Variants in TENM3 observed in about 807,000 individuals in gnomAD.
TENM3 encodes the protein teneurin-3.
In TENM3, 63 loss-of-function variants were observed where a neutral mutation model predicts 255.1. That is an observed-to-expected ratio of 0.25 (90% confidence interval 0.20 to 0.30). TENM3 has a LOEUF of 0.30. Among genes scored for constraint, TENM3 ranks in the 10% least tolerant of loss-of-function variants. The pLI is 1.00. For missense variants in TENM3, 2,929 were observed against 3,461.1 expected, an observed-to-expected ratio of 0.85 and a Z score of 3.86; for synonymous variants, 1,306 against 1,322.3, an observed-to-expected ratio of 0.99 and a Z score of 0.27.
chr4:181,537,328 G>A, the TENM3 span, among the ~76,000 whole-genome samples: 1 of 152,096 alleles, frequency 6.6e-6, no homozygotes, highest in East Asian at 1.9e-4. Flanking sequence ...GCTTCTACAT[G>A]AGACATTTTC....
intron 26 of TENM3, among the ~76,000 whole-genome samples, chr4:182,795,603 G>A (rs1766444986): frequency 6.6e-6 from 1 of 152,192 alleles, no homozygotes; most frequent in South Asian, 2.1e-4. Context: ...CCTAGAGAAG[G>A]AAATGGGAAT....
At chr4:182,437,145 A>G (rs1350035753) in intron 3 of TENM3, among the ~76,000 whole-genome samples, 2 of 152,194 alleles carry the variant, frequency 1.3e-5, no homozygotes, top group Non-Finnish European at 2.9e-5. Flanking sequence ...ATGTTACCAT[A>G]TGGGGTAGAA....
chr4:182,361,118 T>A (rs1016674357), intron 3 of TENM3, among the ~76,000 whole-genome samples: 48 of 152,328 alleles, frequency 3.2e-4, no homozygotes, highest in Non-Finnish European at 5.7e-4. Context: ...CTTCCCTTTG[T>A]GGGTAACCCG....
chr4:182,630,991 C>G (rs1487261676), intron 5 of TENM3, among the ~76,000 whole-genome samples: 1 of 152,008 alleles, frequency 6.6e-6, no homozygotes, highest in African/African-American at 2.4e-5. Context: ...GTCACTGTTA[C>G]CTGTGAGACT....
At chr4:181,815,549 A>G in the TENM3 span, among the ~76,000 whole-genome samples, 2 of 151,750 alleles carry the variant, frequency 1.3e-5, no homozygotes, top group Admixed American at 6.6e-5. Context: ...AATGTGGGAA[A>G]CTTGAATATA....
In TENM3 at chr4:182,755,052, A is replaced by G. The variant is rs773476671; in HGVS notation, c.4685A>G (p.Asn1562Ser). The G allele has an allele frequency of 2.6e-5, 42 of 1,613,932 alleles. No individual in the cohort carries two copies. The Admixed American group carries it at 2.8e-4, about 11-fold the overall frequency. The change falls in exon 22 of 28, where the codon AAC becomes AGC. Residue 1562 changes from asparagine (N) to serine (S), a missense_variant. Asn to Ser is a conservative substitution (Grantham distance 46, BLOSUM62 1). Coordinates refer to ENST00000511685, the MANE Select transcript of TENM3 (RefSeq NM_001080477.4). The stretch of plus-strand genomic sequence containing the variant: ...ACTGCTGTGACAGACAGCAATGGCA[A>G]CACCCTTAGAATTAGACGGGACCCA... ...DITAVTDSNG[N>S]TLRIRRDPNR...
intron 3 of TENM3, among the ~76,000 whole-genome samples, chr4:182,413,263 A>G (rs529269594): frequency 1.3e-5 from 2 of 152,298 alleles, no homozygotes; most frequent in South Asian, 2.1e-4. Context: ...TGGTAAGAAA[A>G]TATAAAACAT....
the TENM3 span, among the ~76,000 whole-genome samples, chr4:181,894,733 G>GAAA: frequency 2.2e-5 from 3 of 137,250 alleles, no homozygotes; most frequent in Non-Finnish European, 4.8e-5. Context: ...GTCAGTGGCA[G>GAAA]AAAAAAAAAA....
chr4:181,504,080 G>A, the TENM3 span, among the ~76,000 whole-genome samples: 1 of 152,218 alleles, frequency 6.6e-6, no homozygotes, highest in African/African-American at 2.4e-5. Flanking sequence ...GGTTTACACT[G>A]GAGCCGCACT....
chr4:181,848,445 T>G, the TENM3 span, among the ~76,000 whole-genome samples: 64,148 of 151,954 alleles, frequency 0.42, 13,790 homozygotes, highest in East Asian at 0.58. Context: ...GTTATTTTCA[T>G]GCATGACCTC....
intron 3 of TENM3, among the ~76,000 whole-genome samples, chr4:182,457,858 G>C (rs1773999530): frequency 6.6e-6 from 1 of 152,196 alleles, no homozygotes; most frequent in African/African-American, 2.4e-5. Flanking sequence ...ACCACATCCG[G>C]CCTGTCTTTC....
intron 4 of TENM3, among the ~76,000 whole-genome samples, chr4:182,615,069 A>ATATT (rs1202422295): frequency 3.8e-4 from 49 of 130,372 alleles, no homozygotes; most frequent in East Asian, 2.5e-3. Context: ...ATATATATGT[A>ATATT]TTTTTTTTTT....
chr4:181,534,507 G>A, the TENM3 span, among the ~76,000 whole-genome samples: 7 of 151,244 alleles, frequency 4.6e-5, no homozygotes, highest in African/African-American at 1.7e-4. Context: ...CCCTGCCTTC[G>A]TACCTTTAGC....
chr4:181,732,594 A>G, the TENM3 span, among the ~76,000 whole-genome samples: 5 of 152,314 alleles, frequency 3.3e-5, no homozygotes, highest in African/African-American at 1.2e-4. Flanking sequence ...TGTTTCCGGT[A>G]AAAAGAACTT....
At chr4:181,470,665 T>A in the TENM3 span, among the ~76,000 whole-genome samples, 1 of 152,198 alleles carries the variant, frequency 6.6e-6, no homozygotes, top group Non-Finnish European at 1.5e-5. Context: ...GTCTTCAAAC[T>A]TTCTCTCTTC....
At chr4:182,776,902 C>T (rs768420144) in intron 24 of TENM3, among the ~76,000 whole-genome samples, 18 of 152,170 alleles carry the variant, frequency 1.2e-4, no homozygotes, top group Non-Finnish European at 7.3e-5. Context: ...AGGAGATTTC[C>T]AGCTGATATG....
At chr4:181,715,614 G>C in the TENM3 span, among the ~76,000 whole-genome samples, 2 of 152,188 alleles carry the variant, frequency 1.3e-5, no homozygotes, top group African/African-American at 2.4e-5. Flanking sequence ...GTAAAATGCT[G>C]TTTTATCTGT....
intron 13 of TENM3, among the ~76,000 whole-genome samples, chr4:182,721,939 C>T (rs1233057096): frequency 6.6e-6 from 1 of 151,964 alleles, no homozygotes. Flanking sequence ...CTTAGGACTT[C>T]ATTATATATT....
At chr4:181,836,860 T>G in the TENM3 span, among the ~76,000 whole-genome samples, 1 of 152,194 alleles carries the variant, frequency 6.6e-6, no homozygotes, top group Admixed American at 6.5e-5. Context: ...TGAAGGAAAA[T>G]TGATACCTTT....
Sources: gnomAD v4.1 joint callset for allele counts (sites outside exome capture counted in the v4.1 genomes callset) on GRCh38, gnomAD v4.1.1 for gene constraint, MANE v1.5 for transcripts, NCBI Gene and HGNC (gene_info 2026-07-23, HGNC 2026-07-21) for gene names.